The following EIF4H variants were observed in gnomAD, a reference collection of about 807,000 sequenced individuals.
EIF4H encodes eukaryotic translation initiation factor 4H.
EIF4H carries 8 observed loss-of-function variants against 30.6 expected under a neutral mutation model. The ratio of observed to expected loss-of-function variants is 0.26; its 90% confidence interval spans 0.15 to 0.47. EIF4H has a LOEUF of 0.47. Among genes scored for constraint, EIF4H ranks in the 20% least tolerant of loss-of-function variants. EIF4H has a pLI of 0.99. For synonymous variants in EIF4H, 106 were observed against 122.7 expected, an observed-to-expected ratio of 0.86 and a Z score of 0.90; for missense variants, 188 against 339.5, an observed-to-expected ratio of 0.55 and a Z score of 3.51.
intron 5 of EIF4H, among the ~76,000 whole-genome samples, chr7:74,192,357 T>C (rs1554710084): frequency 1.3e-5 from 2 of 152,160 alleles, no homozygotes; most frequent in African/African-American, 4.8e-5. Flanking sequence ...TGCCTCCCAG[T>C]GTATTTCCCC....
chr7:74,176,043 T>C (rs2115926044), intron 1 of EIF4H, among the ~76,000 whole-genome samples: 1 of 152,300 alleles, frequency 6.6e-6, no homozygotes, highest in East Asian at 1.9e-4. Flanking sequence ...TAGGAGAGTT[T>C]CCTAGGTAGC....
chr7:74,184,264 G>T (rs1399112366), intron 1 of EIF4H, among the ~76,000 whole-genome samples: 1 of 152,140 alleles, frequency 6.6e-6, no homozygotes, highest in Non-Finnish European at 1.5e-5. Flanking sequence ...TGGGCTTCCT[G>T]TGCTCAATCA....
intron 5 of EIF4H, among the ~76,000 whole-genome samples, chr7:74,191,737 T>G (rs1801218388): frequency 1.3e-5 from 2 of 152,116 alleles, no homozygotes; most frequent in African/African-American, 4.8e-5. Context: ...ACTCTGAAGA[T>G]TCTCATGAAT....
chr7:74,175,719 A>G (rs1387349631), intron 1 of EIF4H, among the ~76,000 whole-genome samples: 1 of 150,286 alleles, frequency 6.7e-6, no homozygotes, highest in Admixed American at 6.6e-5. Context: ...AAATTTAATA[A>G]CTAGGGTTTT....
At chr7:74,187,232 C>A (rs552759049) in intron 1 of EIF4H, among the ~76,000 whole-genome samples, 140 of 152,054 alleles carry the variant, frequency 9.2e-4, no homozygotes, top group Non-Finnish European at 1.2e-3. Context: ...AAGTTGGAGA[C>A]CAGCCTGGCC....
intron 5 of EIF4H, among the ~76,000 whole-genome samples, chr7:74,193,767 C>G (rs1411562317): frequency 1.3e-5 from 2 of 152,176 alleles, no homozygotes; most frequent in Non-Finnish European, 2.9e-5. Context: ...CGTGCGCCAC[C>G]ATGCCCAGCT....
At chr7:74,191,052 C>T in intron 5 of EIF4H, 1 of 404,824 alleles carries the variant, frequency 2.5e-6, no homozygotes. Context: ...ACCCTCCCCC[C>T]ATCAAAACAA....
At chr7:74,183,866 A>C (rs1801021378) in intron 1 of EIF4H, 1 of 152,268 alleles carries the variant, frequency 6.6e-6, no homozygotes, top group African/African-American at 2.4e-5. Context: ...AATGAGGTCT[A>C]CCTCCATGGC....
At chr7:74,189,146 G>A (rs1801150401) in intron 2 of EIF4H, among the ~76,000 whole-genome samples, 1 of 152,138 alleles carries the variant, frequency 6.6e-6, no homozygotes. Flanking sequence ...GTCAGTAACA[G>A]GTACTTGGAC....
chr7:74,191,389 C>T (rs1005645334), intron 5 of EIF4H: 6 of 453,886 alleles, frequency 1.3e-5, no homozygotes, highest in Non-Finnish European at 2.2e-5. Flanking sequence ...CACATACTAA[C>T]GTCTTTCTAC....
rs112977935 is a variant in EIF4H, at chr7:74,190,930, A to G, written c.469+624A>G. On this transcript the variant is annotated intron_variant, in intron 5 of 6. Coordinates refer to ENST00000265753, the MANE Select transcript of EIF4H (RefSeq NM_022170.2). ...AAAGTATAATTTTTTATATATGCAC[A>G]TGATAAAAACTTCAGTTGTAACCCA... Among the ~76,000 whole-genome samples the G allele has an allele frequency of 2.6e-5, 4 of 152,134 alleles. 1 individual carries two copies. The highest frequency in any genetic ancestry group is 7.2e-5 in the African/African-American group (3 of 41,410).
intron 1 of EIF4H, among the ~76,000 whole-genome samples, chr7:74,183,353 C>T (rs928473054): frequency 6.6e-6 from 1 of 152,196 alleles, no homozygotes; most frequent in African/African-American, 2.4e-5. Context: ...TACACGCACT[C>T]CTGCCAGCCC....
In EIF4H at chr7:74,194,844, T is replaced by A; in HGVS notation, c.573T>A (p.Arg191=). 2.5e-6 allele frequency: 4 copies of A among 1,602,570 alleles called. No homozygotes were observed. Among genetic ancestry groups the A allele is most frequent in the Non-Finnish European group, 3.4e-6 (4 of 1,170,510 alleles). The change falls in exon 6 of 7, where the codon CGT becomes CGA. Residue 191 remains arginine, a synonymous_variant. Transcript: ENST00000265753. ...GCTTCAGAGATGGCCCTCCCCTCCG[T>A]GGATCCAACATGGATTTCAGAGAAC... ...GSRFRDGPPL[R]GSNMDFREPT... is the part of the protein sequence containing the mutation.
chr7:74,186,611 A>G (rs1008243794), intron 1 of EIF4H, among the ~76,000 whole-genome samples: 10 of 152,138 alleles, frequency 6.6e-5, no homozygotes, highest in East Asian at 5.8e-4. Context: ...ACGACGCTTG[A>G]TACAGCTGAG....
intron 1 of EIF4H, among the ~76,000 whole-genome samples, chr7:74,175,769 C>G (rs1800826210): frequency 6.6e-6 from 1 of 151,310 alleles, no homozygotes; most frequent in African/African-American, 2.4e-5. Flanking sequence ...ACAGAAGTAC[C>G]CAGAAAAATT....
intron 5 of EIF4H, among the ~76,000 whole-genome samples, chr7:74,193,661 G>A (rs1295935322): frequency 6.6e-6 from 1 of 151,356 alleles, no homozygotes; most frequent in African/African-American, 2.4e-5. Context: ...CACCCAGGCT[G>A]AAGTGTAATG....
chr7:74,179,731 A>T (rs556866430), intron 1 of EIF4H, among the ~76,000 whole-genome samples: 1 of 152,040 alleles, frequency 6.6e-6, no homozygotes, highest in Admixed American at 6.5e-5. Context: ...GGACCTGTTC[A>T]CTGAGCCAGG....
At chr7:74,190,979 A>G (rs1801194461) in intron 5 of EIF4H, among the ~76,000 whole-genome samples, 1 of 152,188 alleles carries the variant, frequency 6.6e-6, no homozygotes, top group Non-Finnish European at 1.5e-5. Context: ...AGAAAAACAA[A>G]TTTGTTTTCT....
At chr7:74,187,412 CAG>C (rs1190552428) in intron 1 of EIF4H, among the ~76,000 whole-genome samples, 197 bp from the exon 2 acceptor site, 1 of 152,088 alleles carries the variant, frequency 6.6e-6, no homozygotes, top group African/African-American at 2.4e-5. Context: ...GCCTGGGTGA[CAG>C]AGTGACAGTC....
Sources: gnomAD v4.1 joint callset for allele counts (sites outside exome capture counted in the v4.1 genomes callset) on GRCh38, gnomAD v4.1.1 for gene constraint, MANE v1.5 for transcripts, NCBI Gene and HGNC (gene_info 2026-07-23, HGNC 2026-07-21) for gene names.